Variants in INSIG2 observed in about 807,000 individuals in gnomAD.
INSIG2 encodes insulin-induced gene 2 protein.
Under a neutral mutation model 27.2 loss-of-function variants are expected in INSIG2, and 10 were observed. That is an observed-to-expected ratio of 0.37 (90% CI 0.23 to 0.62). The LOEUF (loss-of-function observed/expected upper bound fraction) is 0.62, where lower values mean the gene tolerates loss of function less well. Among genes scored for constraint, INSIG2 ranks in the 20% least tolerant of loss-of-function variants. The pLI is 0.65. For missense variants in INSIG2, 178 were observed against 270.2 expected, an observed-to-expected ratio of 0.66 and a Z score of 2.39; for synonymous variants, 97 against 95.8, an observed-to-expected ratio of 1.01 and a Z score of -0.07.
At chr2:118,106,927 T>C (rs1371212565) in intron 4 of INSIG2, 24 bp downstream of exon 4, 1 of 1,610,318 alleles carries the variant, frequency 6.2e-7, no homozygotes, top group Non-Finnish European at 8.5e-7. Context: ...CTTCAATTTT[T>C]GGTGCTTGTT....
intron 3 of INSIG2, among the ~76,000 whole-genome samples, chr2:118,104,876 A>G (rs1382467354): frequency 2.0e-5 from 3 of 152,286 alleles, no homozygotes; most frequent in African/African-American, 7.2e-5. Flanking sequence ...TAAAAACTTA[A>G]TAAGTTCAAA....
intron 2 of INSIG2, among the ~76,000 whole-genome samples, chr2:118,099,544 AT>A (rs1325899860): frequency 1.3e-5 from 2 of 152,222 alleles, no homozygotes; most frequent in East Asian, 3.8e-4. Context: ...GGAATTAGAA[AT>A]CTTTTCAGCA....
At chr2:118,101,364 T>G (rs972535091) in intron 2 of INSIG2, among the ~76,000 whole-genome samples, 1 of 152,238 alleles carries the variant, frequency 6.6e-6, no homozygotes, top group Admixed American at 6.5e-5. Flanking sequence ...GTGTTTTTGC[T>G]TTCTCTCCTC....
In INSIG2 at chr2:118,096,504, T is replaced by G. The variant is rs757091652; in HGVS notation, c.-53T>G. On this transcript the variant is annotated 5_prime_UTR_variant, in exon 2 of 6. Coordinates refer to ENST00000245787, the MANE Select transcript of INSIG2 (RefSeq NM_016133.4). Reference sequence around the variant, plus strand: ...TTCACAGACAGTTGAGCTTTTCAGCTGGGAAGCCTTTCCATTTTTTTTTTT... The same window carrying G: ...TTCACAGACAGTTGAGCTTTTCAGCGGGGAAGCCTTTCCATTTTTTTTTTT... The G allele has an allele frequency of 5.2e-6, 8 of 1,548,642 alleles. No individual in the cohort carries two copies. Among genetic ancestry groups the G allele is most frequent in the Non-Finnish European group, 3.5e-6 (4 of 1,155,098 alleles).
intron 2 of INSIG2, among the ~76,000 whole-genome samples, chr2:118,098,673 A>G (rs976498360): frequency 2.0e-5 from 3 of 152,152 alleles, no homozygotes; most frequent in African/African-American, 7.2e-5. Context: ...ACAGGGCTGC[A>G]CCTGCTGTCT....
intron 1 of INSIG2, 98 bp from the exon 2 acceptor site, chr2:118,096,318 TTTC>T (rs1169113503): frequency 2.3e-5 from 9 of 392,640 alleles, no homozygotes; most frequent in Admixed American, 4.2e-5. Context: ...AGCTTGTCAT[TTTC>T]TTATTTGTCC....
At chr2:118,106,528 G>C in intron 3 of INSIG2, 1 of 490,058 alleles carries the variant, frequency 2.0e-6, no homozygotes, top group Non-Finnish European at 3.6e-6. Flanking sequence ...AGGATCTATT[G>C]ATTAATGTCT....
At chr2:118,094,266 T>TGATGATGAA (rs764673511) in intron 1 of INSIG2, among the ~76,000 whole-genome samples, 6 of 127,974 alleles carry the variant, frequency 4.7e-5, no homozygotes, top group South Asian at 2.6e-4. Context: ...ATGATGATGA[T>TGATGATGAA]GAAGGAGAGT....
chr2:118,107,758 C>T (rs897905624), intron 5 of INSIG2, among the ~76,000 whole-genome samples: 10 of 152,120 alleles, frequency 6.6e-5, no homozygotes, highest in African/African-American at 2.4e-4. Context: ...TGTTGGTTTC[C>T]TTTATTTTGA....
At position 118,096,634 on chromosome 2, in the gene INSIG2, G is replaced by A; in HGVS notation, c.78G>A (p.Val26=). 1 of 1,614,022 alleles carries A rather than the reference G, an allele frequency of 6.2e-7. No individual in the cohort carries two copies. Among genetic ancestry groups the A allele is most frequent in the Non-Finnish European group, 8.5e-7 (1 of 1,179,968 alleles). ...TTTCATCTGTCACTAGCCAGAGTGTGAACTTGATGATTCGAGGAGTAGTGC... is the reference window on the plus strand; with the variant it reads ...TTTCATCTGTCACTAGCCAGAGTGTAAACTTGATGATTCGAGGAGTAGTGC... The part of the protein sequence containing the change: ...PYISSVTSQS[V]NLMIRGVVLF... The change falls in exon 2 of 6, where the codon GTG becomes GTA. Residue 26 remains valine (V), a synonymous_variant. Transcript: ENST00000245787.
chr2:118,098,407 A>G (rs891072101), intron 2 of INSIG2, among the ~76,000 whole-genome samples: 33 of 152,158 alleles, frequency 2.2e-4, no homozygotes, highest in Middle Eastern at 3.2e-3. Context: ...AGATGAGGAC[A>G]CTCACTGAGA....
intron 1 of INSIG2, among the ~76,000 whole-genome samples, chr2:118,093,002 C>A: frequency 8.6e-6 from 1 of 116,662 alleles, no homozygotes; most frequent in African/African-American, 3.4e-5. Context: ...TAAAAGCAAC[C>A]AGATGATGAT....
At chr2:118,105,522 G>T (rs1206709951) in intron 3 of INSIG2, among the ~76,000 whole-genome samples, 1 of 152,096 alleles carries the variant, frequency 6.6e-6, no homozygotes, top group Non-Finnish European at 1.5e-5. Context: ...TGAACTTTAA[G>T]TATAATGACA....
intron 3 of INSIG2, among the ~76,000 whole-genome samples, chr2:118,105,352 A>T (rs371833056): frequency 6.6e-6 from 1 of 152,176 alleles, no homozygotes; most frequent in African/African-American, 2.4e-5. Context: ...ATATGGCACT[A>T]TTTTAAGATT....
chr2:118,092,946 TGAGGAGGAG>T (rs1200287010), intron 1 of INSIG2, among the ~76,000 whole-genome samples: 3 of 140,352 alleles, frequency 2.1e-5, no homozygotes, highest in Admixed American at 7.2e-5. Flanking sequence ...ATGATGATGA[TGAGGAGGAG>T]GAGGAGGAGG....
rs1160281618 is a variant in INSIG2, at chr2:118,103,143, G to C, written c.245-54G>C. 4.8e-6 allele frequency: 7 copies of C among 1,472,168 alleles called. No homozygotes were observed. In the African/African-American group the frequency reaches 7.0e-5, roughly 15 times the overall value. 91.2% of individuals were successfully genotyped at this position (1,472,168 alleles called of 1,614,324 possible). On this transcript the variant is annotated intron_variant, in intron 2 of 5. Transcript: ENST00000245787. ...GGTTGTAGTGATTCTTTTAGCTTAAGTGTTGCCAGTACAACATTGGAGGTA... is the reference window on the plus strand; with the variant it reads ...GGTTGTAGTGATTCTTTTAGCTTAACTGTTGCCAGTACAACATTGGAGGTA...
At chr2:118,090,966 T>C (rs1166308506) in intron 1 of INSIG2, among the ~76,000 whole-genome samples, 1 of 152,226 alleles carries the variant, frequency 6.6e-6, no homozygotes, top group Non-Finnish European at 1.5e-5. Flanking sequence ...TATTGTCCTT[T>C]AAACAGTATC....
intron 1 of INSIG2, among the ~76,000 whole-genome samples, chr2:118,093,683 AG>A: frequency 3.8e-5 from 5 of 130,752 alleles, no homozygotes; most frequent in Admixed American, 7.7e-5. Context: ...GAGGAGGAGG[AG>A]GAGGAGAGTT....
At chr2:118,104,296 A>G (rs1254691773) in intron 3 of INSIG2, among the ~76,000 whole-genome samples, 1 of 152,170 alleles carries the variant, frequency 6.6e-6, no homozygotes, top group Non-Finnish European at 1.5e-5. Flanking sequence ...CCCAAAAAGT[A>G]TTGAGGTGTT....
Sources: gnomAD v4.1 joint callset for allele counts (sites outside exome capture counted in the v4.1 genomes callset) on GRCh38, gnomAD v4.1.1 for gene constraint, MANE v1.5 for transcripts, NCBI Gene and HGNC (gene_info 2026-07-23, HGNC 2026-07-21) for gene names.